Variants in APOL3 observed in about 807,000 individuals in gnomAD.
APOL3 encodes the protein TNF-inducible protein CG12-1.
In APOL3, 14 loss-of-function variants were observed where a neutral mutation model predicts 11.6. That is an observed-to-expected ratio of 1.21 (90% confidence interval 0.80 to 1.89). APOL3 has a LOEUF of 1.89. Ranked by LOEUF, APOL3 falls within the 40% of genes most tolerant of loss-of-function variation. The pLI, the probability that APOL3 is intolerant of heterozygous loss-of-function variation, is 0.00. For synonymous variants in APOL3, 192 were observed against 190.6 expected, an observed-to-expected ratio of 1.01 and a Z score of -0.06; for missense variants, 483 against 492.1, an observed-to-expected ratio of 0.98 and a Z score of 0.17.
At chr22:36,141,717 G>A in exon 3 of APOL3, 1 of 1,614,036 alleles carries the variant, frequency 6.2e-7, no homozygotes, top group Non-Finnish European at 8.5e-7. Context: ...CCCAGTCACA[G>A]CAGACGCTGC....
upstream of APOL3, among the ~76,000 whole-genome samples, chr22:36,161,712 G>C (rs182676750): frequency 1.6e-4 from 25 of 152,278 alleles, no homozygotes; most frequent in African/African-American, 2.9e-4. Context: ...TGAACAAAGT[G>C]GGGGGCGGAT....
chr22:36,156,399 G>C (rs1178249563), intron 1 of APOL3, among the ~76,000 whole-genome samples: 1 of 152,060 alleles, frequency 6.6e-6, no homozygotes, highest in Non-Finnish European at 1.5e-5. Context: ...CAATACCTAG[G>C]TCTCCTGAGG....
intron 1 of APOL3, chr22:36,155,697 G>T: frequency 6.2e-6 from 1 of 162,454 alleles, no homozygotes. Context: ...GGAGCAGGAG[G>T]GCAGAGAGAG....
At chr22:36,157,507 C>G (rs1422524080) in intron 1 of APOL3, among the ~76,000 whole-genome samples, 1 of 152,132 alleles carries the variant, frequency 6.6e-6, no homozygotes, top group Admixed American at 6.5e-5. Flanking sequence ...TAAAACTATA[C>G]TAGAAGAAAT....
Position 36,141,470 on chromosome 22 carries a change from T to TC in APOL3, c.938dup (p.Ile314AsnfsTer52). The TC allele has an allele frequency of 1.2e-6, 2 of 1,614,198 alleles. No homozygotes were observed. Among genetic ancestry groups the TC allele is most frequent in the Non-Finnish European group, 1.7e-6 (2 of 1,180,038 alleles). ...CTTGACCACCACTTCCAGCTGAGAT[T>TC]CGCCAGGTGGTCACAGGGAGTCGGG... On this transcript the variant is annotated frameshift_variant, in exon 3 of 3. Transcript: ENST00000349314. LOFTEE classifies it low-confidence loss of function (END_TRUNC).
At chr22:36,146,558 T>C (rs984158601) in intron 1 of APOL3, 1 of 150,656 alleles carries the variant, frequency 6.6e-6, no homozygotes, top group African/African-American at 2.5e-5. Flanking sequence ...ATATATAATA[T>C]ATATATACAT....
At chr22:36,147,667 G>C (rs969542886) in intron 1 of APOL3, among the ~76,000 whole-genome samples, 4 of 152,166 alleles carry the variant, frequency 2.6e-5, no homozygotes, top group Non-Finnish European at 2.9e-5. Flanking sequence ...GTGCTGACTT[G>C]GGTGAGGGGT....
At chr22:36,143,167 T>C (rs2060065191) in intron 2 of APOL3, among the ~76,000 whole-genome samples, 1 of 152,210 alleles carries the variant, frequency 6.6e-6, no homozygotes, top group South Asian at 2.1e-4. Flanking sequence ...CCTGATCTAA[T>C]GTGATTCACA....
At chr22:36,145,707 G>T in intron 1 of APOL3, 108 bp from the exon 3 acceptor site, 2 of 1,412,640 alleles carry the variant, frequency 1.4e-6, no homozygotes, top group South Asian at 1.3e-5. Context: ...CTGTCACATG[G>T]GGTATTTTTG....
At chr22:36,141,565 T>C in exon 3 of APOL3, 2 of 1,614,214 alleles carry the variant, frequency 1.2e-6, no homozygotes, top group Non-Finnish European at 1.7e-6. Context: ...TAATAATTAT[T>C]AAGAAGGGAA....
At chr22:36,152,078 G>A (rs1327171384) in intron 1 of APOL3, among the ~76,000 whole-genome samples, 2 of 152,136 alleles carry the variant, frequency 1.3e-5, no homozygotes, top group Non-Finnish European at 2.9e-5. Flanking sequence ...TCAACCCAGG[G>A]AGAAGGAAAT....
chr22:36,149,868 C>A (rs1228485495), intron 1 of APOL3: 3 of 456,154 alleles, frequency 6.6e-6, no homozygotes, highest in Non-Finnish European at 1.3e-5. Context: ...GCTGGACACC[C>A]TTTGTCCCCC....
upstream of APOL3, chr22:36,165,443 A>G (rs1442040838): frequency 6.6e-5 from 10 of 152,186 alleles, no homozygotes; most frequent in Admixed American, 6.5e-4. Flanking sequence ...ACTTAAAAAA[A>G]TTACAGACAG....
chr22:36,159,071 G>C (rs2013377843), intron 1 of APOL3, among the ~76,000 whole-genome samples: 1 of 152,128 alleles, frequency 6.6e-6, no homozygotes, highest in African/African-American at 2.4e-5. Context: ...TTGCACCTGA[G>C]TTTATAGCAA....
chr22:36,149,833 G>A lies in APOL3; in HGVS notation c.224-4234C>T, dbSNP rs1374249986. The A allele has an allele frequency of 1.1e-5, 5 of 456,072 alleles. No homozygotes were observed. In the Admixed American group the frequency reaches 1.2e-4, roughly 11 times the overall value. 28.3% of individuals were successfully genotyped at this position (456,072 alleles called of 1,614,324 possible). A position where few individuals can be genotyped will look rare whatever the true frequency, so the allele number is the denominator to read the frequency against. On this transcript the variant is annotated intron_variant, in intron 1 of 2. Coordinates refer to ENST00000349314, the Ensembl canonical transcript of APOL3. ...TCTTGCACTCTATGCCCAAGTGTCT[G>A]TCTTGGTGAATTCACTGGTGCTGTG... is the stretch of plus-strand genomic sequence containing the variant.
Position 36,141,944 on chromosome 22 carries a change from CTCTT to C in APOL3, c.461_464del (p.Lys154SerfsTer13). 2.5e-6 allele frequency: 4 copies of C among 1,614,222 alleles called. No homozygotes were observed. Among genetic ancestry groups the C allele is most frequent in the Non-Finnish European group, 3.4e-6 (4 of 1,180,044 alleles). On this transcript the variant is annotated frameshift_variant, in exon 3 of 3. Transcript: ENST00000349314. LOFTEE classifies it low-confidence loss of function (END_TRUNC). ...GGATCTTCCTCTTGACTTGGGGAAA[CTCTT>C]TCAAAAACCATTCCCTAAACTGCTC...
In APOL3 at chr22:36,157,335, T is replaced by C. The variant is rs190374773; in HGVS notation, c.223+3334A>G. ...AAAGAGGTCATTTCCTTCCTGCACT[T>C]GTTGTGCCTTAGAATACACACAAAA... On this transcript the variant is annotated intron_variant, in intron 1 of 2. Coordinates refer to ENST00000349314, the Ensembl canonical transcript of APOL3. Among the ~76,000 whole-genome samples, 369 of 152,308 alleles carry C rather than the reference T, an allele frequency of 2.4e-3. 1 individual carries two copies. The highest frequency in any genetic ancestry group is 0.02 in the Middle Eastern group (6 of 294).
chr22:36,141,818 G>A (rs780544573), exon 3 of APOL3: 1 of 1,614,236 alleles, frequency 6.2e-7, no homozygotes, highest in Non-Finnish European at 8.5e-7. Flanking sequence ...TGATGCCAGA[G>A]GCAGCGCCAG....
intron 1 of APOL3, among the ~76,000 whole-genome samples, chr22:36,157,775 T>A (rs1042813700): frequency 6.6e-6 from 1 of 152,144 alleles, no homozygotes; most frequent in Non-Finnish European, 1.5e-5. Flanking sequence ...TATAGCCAGG[T>A]GCGGTGGCTC....
Sources: allele counts gnomAD v4.1 joint callset (sites outside exome capture counted in the v4.1 genomes callset), GRCh38; gene constraint gnomAD v4.1.1; transcripts MANE v1.5; gene names NCBI Gene and HGNC (gene_info 2026-07-23, HGNC 2026-07-21).